AMPD1: variants seen among roughly 807,000 people sequenced by gnomAD.
AMPD1 encodes adenosine monophosphate deaminase 1.
Under a neutral mutation model 82.9 loss-of-function variants are expected in AMPD1, and 74 were observed. That is an observed-to-expected ratio of 0.89 (90% CI 0.74 to 1.08). AMPD1 has a LOEUF of 1.08. AMPD1 is among the 50% of genes least tolerant of loss of function. The probability of loss-of-function intolerance (pLI) is 0.00; values close to 1 mark genes in which losing one functional copy is unlikely to be tolerated. For missense variants in AMPD1, 881 were observed against 924.5 expected (o/e 0.95, Z 0.61); for synonymous variants, 333 against 320.5 (o/e 1.04, Z -0.42).
intron 8 of AMPD1, 70 bp from the exon 9 acceptor site, chr1:114,678,111 G>T: frequency 6.3e-7 from 1 of 1,597,732 alleles, no homozygotes. Context: ...CTAGGAAATA[G>T]TCAAGCAGAA....
At chr1:114,690,602 G>GA (rs764197004) in intron 2 of AMPD1, among the ~76,000 whole-genome samples, 11 of 152,200 alleles carry the variant, frequency 7.2e-5, no homozygotes, top group Non-Finnish European at 1.5e-4. Flanking sequence ...AACTGAAACC[G>GA]AAAAGCATCT....
intron 9 of AMPD1, 90 bp from the exon 10 acceptor site, chr1:114,677,604 TTTCAGAA>T: frequency 6.4e-7 from 1 of 1,553,520 alleles, no homozygotes; most frequent in Non-Finnish European, 8.8e-7. Flanking sequence ...TAACTCTTCC[TTTCAGAA>T]TCTGAAAAGG....
At chr1:114,688,320 GT>G in intron 3 of AMPD1, among the ~76,000 whole-genome samples, 1 of 152,222 alleles carries the variant, frequency 6.6e-6, no homozygotes, top group Non-Finnish European at 1.5e-5. Context: ...TAGAGACAGG[GT>G]TTCACCGTGT....
chr1:114,673,580 C>T (rs1191612085), intron 15 of AMPD1, 59 bp downstream of exon 15: 46 of 1,356,206 alleles, frequency 3.4e-5, no homozygotes, highest in South Asian at 5.9e-5. Context: ...ACTACTTTTT[C>T]GGTATTCAAG....
intron 1 of AMPD1, 76 bp downstream of exon 1, chr1:114,695,373 AG>A: frequency 6.4e-7 from 1 of 1,574,234 alleles, no homozygotes; most frequent in African/African-American, 1.4e-5. Context: ...CTGATATGGT[AG>A]CTAAAGGAAC....
rs754808704 is a variant in AMPD1, at chr1:114,678,435, C to T, written c.990G>A (p.Val330=). Residue 330 remains valine, a synonymous_variant, in exon 8 of 16, where the codon GTG becomes GTA. Transcript: ENST00000520113. Reference sequence around the variant, plus strand: ...GATTCTTCTCTTTGGTGCTATAGACCACTCTGTCAGCATCAATTTGGTAAG... The same window carrying T: ...GATTCTTCTCTTTGGTGCTATAGACTACTCTGTCAGCATCAATTTGGTAAG... The part of the protein sequence containing the change: ...KKSYQIDADR[V]VYSTKEKNLT... 3 of 1,614,018 alleles carry T rather than the reference C, an allele frequency of 1.9e-6. No individual in the cohort carries two copies. The East Asian group carries it at 6.7e-5, about 36-fold the overall frequency.
At chr1:114,689,031 CAGTA>C in intron 2 of AMPD1, 1 of 633,082 alleles carries the variant, frequency 1.6e-6, no homozygotes, top group Non-Finnish European at 3.0e-6. Flanking sequence ...ACTAGCACCT[CAGTA>C]AGATCACCTG....
Position 114,678,503 on chromosome 1 carries a change from C to T in AMPD1, c.922G>A (p.Ala308Thr), listed in dbSNP as rs773353828. Reference sequence around the variant, plus strand: ...AGCAGATGTTTCTGGTTCATGCAAGCGGCTGCATGGATATGGGTGTCCACC... The same window carrying T: ...AGCAGATGTTTCTGGTTCATGCAAGTGGCTGCATGGATATGGGTGTCCACC... Reference protein sequence around the residue: ...RKVDTHIHAAACMNQKHLLRF... With the variant: ...RKVDTHIHAATCMNQKHLLRF... The change falls in exon 8 of 16, where the codon GCT becomes ACT. Residue 308 changes from alanine to threonine, a missense_variant. Physicochemically the swap from Ala to Thr is moderately conservative, Grantham distance 58. This residue lies in a region of AMPD1 where 783 missense variants were observed against 786.4 expected (regional missense o/e 1.00). Coordinates refer to ENST00000520113, the MANE Select transcript of AMPD1 (RefSeq NM_000036.3). 27 of 1,613,888 alleles carry T rather than the reference C, an allele frequency of 1.7e-5. No homozygotes were observed. Among genetic ancestry groups the T allele is most frequent in the Admixed American group, 1.0e-4 (6 of 59,984 alleles).
At chr1:114,680,040 A>G (rs1658110922) in intron 6 of AMPD1, among the ~76,000 whole-genome samples, 1 of 152,256 alleles carries the variant, frequency 6.6e-6, no homozygotes, top group African/African-American at 2.4e-5. Flanking sequence ...TTAAGTCATC[A>G]AAGTCTCAGC....
rs1392622067 is a variant in AMPD1, at chr1:114,686,777, T to G, written c.349A>C (p.Arg117=). 2 of 1,614,116 alleles carry G rather than the reference T, an allele frequency of 1.2e-6. No individual in the cohort carries two copies. The highest frequency in any genetic ancestry group is 2.2e-5 in the South Asian group (2 of 91,078). Residue 117 remains arginine, a synonymous_variant, in exon 4 of 16, where the codon AGA becomes CGA. Coordinates refer to ENST00000520113, the MANE Select transcript of AMPD1 (RefSeq NM_000036.3). ...GCATAGTCACCAGTAATCTGCACTC[T>G]CTGAAAATCAGGCACGGTCTGGTAG... ...PTYQTVPDFQ[R]VQITGDYASG... is the part of the protein sequence containing the mutation.
At chr1:114,680,796 G>A (rs1485326578) in intron 5 of AMPD1, among the ~76,000 whole-genome samples, 4 of 152,004 alleles carry the variant, frequency 2.6e-5, no homozygotes, top group South Asian at 2.1e-4. Flanking sequence ...GTGAAACCCC[G>A]TCTCTACTAC....
At chr1:114,690,229 A>G (rs1212582320) in intron 2 of AMPD1, among the ~76,000 whole-genome samples, 3 of 152,216 alleles carry the variant, frequency 2.0e-5, no homozygotes, top group African/African-American at 7.2e-5. Flanking sequence ...GTAAAGTGGG[A>G]ATACTAATAC....
At position 114,684,602 on chromosome 1, in the gene AMPD1, C is replaced by T. The variant is rs549035802; in HGVS notation, c.382-238G>A. 2.3e-4 allele frequency: 131 copies of T among 572,200 alleles called. 1 individual carries two copies. The highest frequency in any genetic ancestry group is 2.0e-3 in the African/African-American group (108 of 53,466). The allele number at this position is 572,200 out of a possible 1,614,324, so 35.4% of individuals were successfully genotyped here. ...AACTTACCTGTCCTACTAGTCTTTC[C>T]CTTGTAGTCCTGTATTTGTTTGTTT... On this transcript the variant is annotated intron_variant, in intron 4 of 15. Coordinates refer to ENST00000520113, the MANE Select transcript of AMPD1 (RefSeq NM_000036.3).
intron 2 of AMPD1, among the ~76,000 whole-genome samples, chr1:114,691,074 T>A (rs188610582): frequency 6.6e-6 from 1 of 152,330 alleles, no homozygotes; most frequent in Non-Finnish European, 1.5e-5. Context: ...TTTACTAAGA[T>A]TGTATCTCTC....
intron 6 of AMPD1, 140 bp from the exon 7 acceptor site, chr1:114,679,848 TC>T: frequency 9.7e-7 from 1 of 1,032,500 alleles, no homozygotes; most frequent in Non-Finnish European, 1.5e-6. Context: ...CTGCAGTTAA[TC>T]CCACTGAGAA....
intron 12 of AMPD1, 88 bp downstream of exon 12, chr1:114,675,442 A>G: frequency 7.1e-7 from 1 of 1,403,560 alleles, no homozygotes; most frequent in Non-Finnish European, 1.0e-6. Context: ...ACAGTAATGC[A>G]TGAGGCCCCT....
intron 2 of AMPD1, among the ~76,000 whole-genome samples, chr1:114,689,211 T>C (rs886263541): frequency 6.6e-6 from 1 of 152,204 alleles, no homozygotes; most frequent in Non-Finnish European, 1.5e-5. Context: ...TCTAAGTAGT[T>C]CTGAGAAATA....
chr1:114,687,213 A>G lies in AMPD1; in HGVS notation c.216-303T>C, dbSNP rs547981106. On this transcript the variant is annotated intron_variant, in intron 3 of 15. Transcript: ENST00000520113. ...GCAGAATAGGCAGTCTAGGAACTAC[A>G]GAAAACACAGGCTATGTCAGTTACT... 5.9e-5 allele frequency among the ~76,000 whole-genome samples: 9 copies of G among 152,254 alleles called. No individual in the cohort carries two copies. In the South Asian group the frequency reaches 1.9e-3, roughly 32 times the overall value.
At position 114,686,904 on chromosome 1, in the gene AMPD1, C is replaced by CT; in HGVS notation, c.221dup (p.Arg75AlafsTer9). 1 of 1,614,162 alleles carries CT rather than the reference C, an allele frequency of 6.2e-7. No homozygotes were observed. Among genetic ancestry groups the CT allele is most frequent in the African/African-American group, 1.3e-5 (1 of 75,042 alleles). On this transcript the variant is annotated frameshift_variant, in exon 4 of 16. Transcript: ENST00000520113. LOFTEE classifies it high-confidence loss of function. ...TAACAGTCTTCCGTCCTTGGAAACG[C>CT]TTTTTTCTGGGTTCGAAATTTAAAA...
Sources: gnomAD v4.1 joint callset for allele counts (sites outside exome capture counted in the v4.1 genomes callset) on GRCh38, gnomAD v4.1.1 for gene constraint, gnomAD v4.1.1 regional missense constraint, MANE v1.5 for transcripts, NCBI Gene and HGNC (gene_info 2026-07-23, HGNC 2026-07-21) for gene names.